Variants in ZNF716 observed in about 807,000 individuals in gnomAD.
ZNF716 encodes the protein zinc finger protein 716.
ZNF716 carries 9 observed loss-of-function variants against 13.4 expected under a neutral mutation model. The ratio of observed to expected loss-of-function variants is 0.67; its 90% CI spans 0.41 to 1.18. The LOEUF is 1.18. Ranked by LOEUF, ZNF716 falls within the 50% of genes most tolerant of loss-of-function variation. The pLI is 0.01. For missense variants in ZNF716, 581 were observed against 576.6 expected, an observed-to-expected ratio of 1.01 and a Z score of -0.08; for synonymous variants, 186 against 195.2, an observed-to-expected ratio of 0.95 and a Z score of 0.39.
Position 57,469,521 on chromosome 7 carries a change from T to G in ZNF716, c.1060T>G (p.Cys354Gly). The G allele has an allele frequency of 6.2e-7, 1 of 1,610,688 alleles. No homozygotes were observed. ...TCATACTGGGGAGAAACTCTACACA[T>G]GTGAAGAATGTGGGAAAGCCTTTAC... ...IVHTGEKLYT[C>G]EECGKAFTFS... The change falls in exon 4 of 4, where the codon TGT becomes GGT. Residue 354 changes from cysteine (C) to glycine (G), a missense_variant. Cys to Gly is a radical substitution (Grantham distance 159, BLOSUM62 -3). Transcript: ENST00000420713.
Position 57,470,286 on chromosome 7 carries a change from T to A in ZNF716, c.*337T>A. The A allele has an allele frequency of 5.6e-6, 1 of 177,780 alleles. No homozygotes were observed. 11.0% of individuals were successfully genotyped at this position (177,780 alleles called of 1,614,324 possible). On this transcript the variant is annotated 3_prime_UTR_variant, in exon 4 of 4. Transcript: ENST00000420713. ...TTCAAGCGATTCTCCTGCCTCAGCC[T>A]CCTGAGTAGCTGGAATTACAGGCAC...
At chr7:57,451,441 A>T (rs1231663275) in intron 1 of ZNF716, among the ~76,000 whole-genome samples, 50 of 89,014 alleles carry the variant, frequency 5.6e-4, no homozygotes, top group African/African-American at 6.9e-4. Flanking sequence ...TTTCCCTTGG[A>T]TTTTTTTTTT....
rs1347087560 is a variant in ZNF716 at position 57,468,647 on chromosome 7, T to C, written c.263-77T>C. The C allele has an allele frequency of 9.9e-6, 14 of 1,417,914 alleles. No homozygotes were observed. The South Asian group carries it at 1.1e-4, about 11-fold the overall frequency. 87.8% of individuals were successfully genotyped at this position (1,417,914 alleles called of 1,614,324 possible). A position where few individuals can be genotyped will look rare whatever the true frequency, so the allele number is the denominator to read the frequency against. ...CATTTTGCTAATGTACTTTGTATAA[T>C]TTTATATATTTGATTTGCAAAATAT... On this transcript the variant is annotated intron_variant, in intron 3 of 3. Transcript: ENST00000420713.
At chr7:57,455,441 C>T (rs1554322108) in intron 1 of ZNF716, among the ~76,000 whole-genome samples, 1 of 152,154 alleles carries the variant, frequency 6.6e-6, no homozygotes, top group Non-Finnish European at 1.5e-5. Context: ...TAAGAAAATA[C>T]AAAACCATCT....
Position 57,469,072 on chromosome 7 carries a change from A to C in ZNF716, c.611A>C (p.Gln204Pro), listed in dbSNP as rs1554324636. 1 of 1,608,230 alleles carries C rather than the reference A, an allele frequency of 6.2e-7. No homozygotes were observed. The highest frequency in any genetic ancestry group is 1.3e-5 in the African/African-American group (1 of 74,982). Reference sequence around the variant, plus strand: ...ATGCTTTCACGCCTAAATCAACATCAGATAATTCATACTAGGGAGAAGTCT... The same window carrying C: ...ATGCTTTCACGCCTAAATCAACATCCGATAATTCATACTAGGGAGAAGTCT... ...FCMLSRLNQH[Q>P]IIHTREKSYK... Residue 204 changes from glutamine to proline, a missense_variant, in exon 4 of 4, where the codon CAG (glutamine) becomes CCG (proline). By Grantham distance (76) the Gln-to-Pro change is moderately conservative (BLOSUM62 -1). Coordinates refer to ENST00000420713, the MANE Select transcript of ZNF716 (RefSeq NM_001159279.1).
rs1789974452 is a variant in ZNF716, at chr7:57,473,065, G to A, written c.*3116G>A. 1 of 151,970 alleles carries A rather than the reference G, an allele frequency of 6.6e-6. No individual in the cohort carries two copies. Among genetic ancestry groups the A allele is most frequent in the Admixed American group, 6.6e-5 (1 of 15,236 alleles). The allele number at this position is 151,970 out of a possible 1,614,324, so 9.4% of individuals were successfully genotyped here. ...ACTATTAACCACAGGGTCATTTTAT[G>A]ATCATAAAAATTACATGAGTATAAT... On this transcript the variant is annotated 3_prime_UTR_variant, in exon 4 of 4. Coordinates refer to ENST00000420713, the MANE Select transcript of ZNF716 (RefSeq NM_001159279.1).
chr7:57,455,798 A>G (rs1277199252), intron 1 of ZNF716, among the ~76,000 whole-genome samples: 2 of 152,114 alleles, frequency 1.3e-5, no homozygotes, highest in South Asian at 2.1e-4. Context: ...GATTACAGAC[A>G]TGAGCCGTCG....
chr7:57,468,946 G>A lies in ZNF716; in HGVS notation c.485G>A (p.Cys162Tyr), dbSNP rs1554324584. 6.2e-7 allele frequency: 1 copy of A among 1,610,446 alleles called. No individual in the cohort carries two copies. Among genetic ancestry groups the A allele is most frequent in the Admixed American group, 1.7e-5 (1 of 59,112 alleles). The change falls in exon 4 of 4, where the codon TGC (cysteine) becomes TAC (tyrosine). Residue 162 changes from cysteine (C) to tyrosine (Y), a missense_variant. Transcript: ENST00000420713. ...AACAAAACATTTCAGACTCATAAAT[G>A]CGTCAAAGTCTTTGGTAAATTTTCA... The part of the protein sequence containing the change: ...TQNKTFQTHK[C>Y]VKVFGKFSNS...
intron 1 of ZNF716, among the ~76,000 whole-genome samples, chr7:57,460,394 C>A (rs1187385747): frequency 0.013 from 1,098 of 84,840 alleles, no homozygotes; most frequent in Middle Eastern, 0.02. Context: ...GACTGTGTCT[C>A]AAAAAAAAAA....
chr7:57,451,827 C>T (rs1272912363), intron 1 of ZNF716, among the ~76,000 whole-genome samples: 1 of 140,030 alleles, frequency 7.1e-6, no homozygotes, highest in Non-Finnish European at 1.5e-5. Flanking sequence ...AATGCAGTGG[C>T]GTGATCTTGC....
chr7:57,458,673 G>A (rs10228135), intron 1 of ZNF716, among the ~76,000 whole-genome samples: 58,416 of 152,006 alleles, frequency 0.38, 11,435 homozygotes, highest in East Asian at 0.51. Context: ...CGCCCACCTC[G>A]GCCTCCCAGA....
intron 3 of ZNF716, among the ~76,000 whole-genome samples, chr7:57,467,784 T>C (rs570390159): frequency 6.6e-6 from 1 of 152,188 alleles, no homozygotes; most frequent in East Asian, 1.9e-4. Flanking sequence ...ATTTTTATTA[T>C]TCCAAGCTTT....
chr7:57,462,353 ACT>A (rs1276646465), intron 1 of ZNF716, 105 bp from the exon 2 acceptor site: 1 of 1,307,356 alleles, frequency 7.6e-7, no homozygotes, highest in East Asian at 2.5e-5. Context: ...ACTTCTTTTT[ACT>A]CTCTTATTTA....
At position 57,469,768 on chromosome 7, in the gene ZNF716, A is replaced by G. The variant is rs782581861; in HGVS notation, c.1307A>G (p.Tyr436Cys). Residue 436 changes from tyrosine to cysteine, a missense_variant, in exon 4 of 4, where the codon TAC (tyrosine) becomes TGC (cysteine). Tyr to Cys is a radical substitution (Grantham distance 194). Coordinates refer to ENST00000420713, the MANE Select transcript of ZNF716 (RefSeq NM_001159279.1). ...HKIIHTGEKL[Y>C]KCKECGKAFT... is the part of the protein sequence containing the mutation. ...ATAATTCATACTGGAGAGAAACTCT[A>G]CAAATGTAAAGAATGTGGGAAAGCC... 21 of 1,610,232 alleles carry G rather than the reference A, an allele frequency of 1.3e-5. No individual in the cohort carries two copies. Among genetic ancestry groups the G allele is most frequent in the African/African-American group, 1.1e-4 (8 of 74,756 alleles).
intron 1 of ZNF716, among the ~76,000 whole-genome samples, chr7:57,460,157 G>T (rs1789681210): frequency 6.6e-6 from 1 of 152,112 alleles, no homozygotes; most frequent in South Asian, 2.1e-4. Context: ...GGAGGCCAAG[G>T]CGGGCAGATC....
Position 57,463,232 on chromosome 7 carries a change from G to A in ZNF716, c.262+64G>A, listed in dbSNP as rs1476779076. Reference sequence around the variant, plus strand: ...GTTACAAAAGTCAAGGAGGAAGCCAGTCCTTAAAATGTGGTCTGGGGAGCT... The same window carrying A: ...GTTACAAAAGTCAAGGAGGAAGCCAATCCTTAAAATGTGGTCTGGGGAGCT... On this transcript the variant is annotated intron_variant, in intron 3 of 3. Coordinates refer to ENST00000420713, the MANE Select transcript of ZNF716 (RefSeq NM_001159279.1). 7.6e-6 allele frequency: 12 copies of A among 1,588,350 alleles called. No homozygotes were observed. The African/African-American group carries it at 1.4e-4, about 18-fold the overall frequency.
At chr7:57,464,200 C>A (rs1396075859) in intron 3 of ZNF716, among the ~76,000 whole-genome samples, 1 of 143,570 alleles carries the variant, frequency 7.0e-6, no homozygotes, top group Non-Finnish European at 1.5e-5. Context: ...TGGCTCATGG[C>A]AACCCCTGCC....
chr7:57,464,734 T>C (rs1789776020), intron 3 of ZNF716, among the ~76,000 whole-genome samples: 1 of 152,126 alleles, frequency 6.6e-6, no homozygotes, highest in African/African-American at 2.4e-5. Context: ...AGTCTAAGTA[T>C]TTTGTTGAAA....
chr7:57,470,291 A>C lies in ZNF716; in HGVS notation c.*342A>C, dbSNP rs1263113307. The C allele has an allele frequency of 1.7e-5, 3 of 175,582 alleles. No individual in the cohort carries two copies. The highest frequency in any genetic ancestry group is 3.6e-5 in the Non-Finnish European group (3 of 82,902). The allele number at this position is 175,582 out of a possible 1,614,324, so 10.9% of individuals were successfully genotyped here. On this transcript the variant is annotated 3_prime_UTR_variant, in exon 4 of 4. Coordinates refer to ENST00000420713, the MANE Select transcript of ZNF716 (RefSeq NM_001159279.1). ...GCGATTCTCCTGCCTCAGCCTCCTG[A>C]GTAGCTGGAATTACAGGCACGTGCA...
Sources: allele counts gnomAD v4.1 joint callset (sites outside exome capture counted in the v4.1 genomes callset), GRCh38; gene constraint gnomAD v4.1.1; transcripts MANE v1.5; gene names NCBI Gene and HGNC (gene_info 2026-07-23, HGNC 2026-07-21).